The following CRYGN variants were observed in gnomAD, a reference collection of about 807,000 sequenced individuals.
CRYGN encodes the protein gamma-crystallin N.
In CRYGN, 17 loss-of-function variants were observed where a neutral mutation model predicts 19.2. The ratio of observed to expected loss-of-function variants is 0.89; its 90% CI spans 0.61 to 1.33. The LOEUF (loss-of-function observed/expected upper bound fraction) is 1.33. CRYGN is among the 40% of genes most tolerant of loss of function. CRYGN has a pLI of 0.00. For synonymous variants in CRYGN, 84 were observed against 85.8 expected (o/e 0.98, Z 0.12); for missense variants, 239 against 239.6 (o/e 1.00, Z 0.02).
At chr7:151,438,471 G>T (rs1420583652) in intron 1 of CRYGN, among the ~76,000 whole-genome samples, 1 of 152,216 alleles carries the variant, frequency 6.6e-6, no homozygotes, top group African/African-American at 2.4e-5. Context: ...CCACCCTTAG[G>T]AGCTCACAGT....
chr7:151,437,841 C>A, intron 2 of CRYGN, 155 bp downstream of exon 2: 1 of 1,504,704 alleles, frequency 6.6e-7, no homozygotes, highest in Non-Finnish European at 8.9e-7. Flanking sequence ...CTACTCACCT[C>A]ATGCCAGCAG....
At position 151,436,429 on chromosome 7, in the gene CRYGN, CA is replaced by C; in HGVS notation, c.271-105del. On this transcript the variant is annotated intron_variant, in intron 2 of 3. Transcript: ENST00000337323. This position sits in a 1 kb window ranked among gnomAD's most constrained non-coding sequence, Gnocchi z 5.1. ...GGAAGGAATTAGGAGGTACCCAAGG[CA>C]CTGGGCACCCCCACCCCACACACTT... 9.7e-7 allele frequency: 1 copy of C among 1,030,062 alleles called. No homozygotes were observed. The highest frequency in any genetic ancestry group is 1.4e-6 in the Non-Finnish European group (1 of 738,706). The allele number at this position is 1,030,062 out of a possible 1,614,324, so 63.8% of individuals were successfully genotyped here.
rs527946413 is a variant in CRYGN at position 151,438,355 on chromosome 7, A to T, written c.22-111T>A. ...ATGGAACCCCTACTCCCAGGCCCCCAAAAGCCCAGACCTGCTGCACACAGT... is the reference window on the plus strand; with the variant it reads ...ATGGAACCCCTACTCCCAGGCCCCCTAAAGCCCAGACCTGCTGCACACAGT... On this transcript the variant is annotated intron_variant, in intron 1 of 3. Transcript: ENST00000337323. The T allele has an allele frequency of 1.1e-4, 120 of 1,129,766 alleles. No individual in the cohort carries two copies. In the African/African-American group the frequency reaches 1.8e-3, roughly 17 times the overall value. 70.0% of individuals were successfully genotyped at this position (1,129,766 alleles called of 1,614,324 possible). A position where few individuals can be genotyped will look rare whatever the true frequency, so the allele number is the denominator to read the frequency against.
chr7:151,439,199 G>A (rs1801700220), intron 1 of CRYGN: 1 of 152,256 alleles, frequency 6.6e-6, no homozygotes, highest in Non-Finnish European at 1.5e-5. Context: ...CCGGAAAGGA[G>A]GCAGACACCT....
In CRYGN at chr7:151,429,052, G is replaced by A. The variant is rs1324417293; in HGVS notation, c.*996C>T. The A allele has an allele frequency of 6.5e-6, 1 of 152,686 alleles. No homozygotes were observed. Among genetic ancestry groups the A allele is most frequent in the Non-Finnish European group, 1.5e-5 (1 of 68,078 alleles). 9.5% of individuals were successfully genotyped at this position (152,686 alleles called of 1,614,324 possible). ...CTGGAACTCATGGGAAGGGCTGCTAGGCCTGGTTTTTCCCGTGACTCCCAA... is the reference window on the plus strand; with the variant it reads ...CTGGAACTCATGGGAAGGGCTGCTAAGCCTGGTTTTTCCCGTGACTCCCAA... On this transcript the variant is annotated 3_prime_UTR_variant, in exon 4 of 4. Coordinates refer to ENST00000337323, the MANE Select transcript of CRYGN (RefSeq NM_144727.3).
In CRYGN at chr7:151,438,094, G is replaced by A. The variant is rs149663298; in HGVS notation, c.172C>T (p.Arg58Trp). ...AWVCFNHPDF[R>W]GQQFILEHGD... ...TGCTCCAAGATGAACTGCTGGCCCC[G>A]GAAGTCGGGGTGATTGAAGCAGACC... Residue 58 changes from arginine (R) to tryptophan (W), a missense_variant, in exon 2 of 4, where the codon CGG (arginine) becomes TGG (tryptophan). Physicochemically the swap from Arg to Trp is moderately radical, Grantham distance 101. Transcript: ENST00000337323. 78 of 1,614,106 alleles carry A rather than the reference G, an allele frequency of 4.8e-5. No homozygotes were observed. Among genetic ancestry groups the A allele is most frequent in the African/African-American group, 1.6e-4 (12 of 75,052 alleles).
chr7:151,440,388 C>T (rs1387796231), upstream of CRYGN: 1 of 170,018 alleles, frequency 5.9e-6, no homozygotes, highest in Non-Finnish European at 1.2e-5. Context: ...TGTTTGTCTC[C>T]ACGAGGATGC....
chr7:151,432,612 C>T lies in CRYGN; in HGVS notation c.417-2432G>A, dbSNP rs150113332. Among the ~76,000 whole-genome samples the T allele has an allele frequency of 3.8e-3, 586 of 152,242 alleles. 4 individuals carry two copies. Among genetic ancestry groups the T allele is most frequent in the African/African-American group, 0.013 (545 of 41,530 alleles). ...TGTAGTCAGGAGTTTGAGAGCAGCC[C>T]GGCCAACGTGGTGAAACCCCGTCTC... On this transcript the variant is annotated intron_variant, in intron 3 of 3. Coordinates refer to ENST00000337323, the MANE Select transcript of CRYGN (RefSeq NM_144727.3).
At position 151,436,204 on chromosome 7, in the gene CRYGN, G is replaced by A. The variant is rs1447816645; in HGVS notation, c.392C>T (p.Thr131Ile). ...SRGWVKNCVNTIKVYGDGAAW... is the reference protein window; with the variant it reads ...SRGWVKNCVNIIKVYGDGAAW... Reference sequence around the variant, plus strand: ...CGCTCCGTCCCCGTACACCTTGATGGTGTTCACACAGTTCTTGACCCAGCC... The same window carrying A: ...CGCTCCGTCCCCGTACACCTTGATGATGTTCACACAGTTCTTGACCCAGCC... Residue 131 changes from threonine to isoleucine, a missense_variant, in exon 3 of 4, where the codon ACC (threonine) becomes ATC (isoleucine). Physicochemically the swap from Thr to Ile is moderately conservative, Grantham distance 89. Coordinates refer to ENST00000337323, the MANE Select transcript of CRYGN (RefSeq NM_144727.3). The surrounding 1 kb of genome is among the most constrained non-coding windows in gnomAD (Gnocchi z 5.1). 2 of 1,570,934 alleles carry A rather than the reference G, an allele frequency of 1.3e-6. No individual in the cohort carries two copies. Among genetic ancestry groups the A allele is most frequent in the African/African-American group, 2.7e-5 (2 of 73,280 alleles).
rs1029050604 is a variant in CRYGN, at chr7:151,436,876, T to C, written c.271-551A>G. ...GCCTTGACATCATTGTCCCCTAGGCTCAGCACATCTCCCTATATGATTCCC... is the reference window on the plus strand; with the variant it reads ...GCCTTGACATCATTGTCCCCTAGGCCCAGCACATCTCCCTATATGATTCCC... On this transcript the variant is annotated intron_variant, in intron 2 of 3. Transcript: ENST00000337323. The surrounding 1 kb of genome is among the most constrained non-coding windows in gnomAD (Gnocchi z 5.1). 3 of 152,164 alleles carry C rather than the reference T, an allele frequency of 2.0e-5. No individual in the cohort carries two copies. Among genetic ancestry groups the C allele is most frequent in the African/African-American group, 4.8e-5 (2 of 41,440 alleles). The allele number at this position is 152,164 out of a possible 1,614,324, so 9.4% of individuals were successfully genotyped here. A position where few individuals can be genotyped will look rare whatever the true frequency, so the allele number is the denominator to read the frequency against.
In CRYGN at chr7:151,432,072, C is replaced by T. The variant is rs146741473; in HGVS notation, c.417-1892G>A. ...TTTGAGGACTTTTATCGCCCAAGGTCCCGAGGTCTGGGTGGGACCGCAAGG... is the reference window on the plus strand; with the variant it reads ...TTTGAGGACTTTTATCGCCCAAGGTTCCGAGGTCTGGGTGGGACCGCAAGG... On this transcript the variant is annotated intron_variant, in intron 3 of 3. Transcript: ENST00000337323. 6.2e-3 allele frequency: 3,969 copies of T among 643,236 alleles called. 139 individuals carry two copies. In the African/African-American group the frequency reaches 0.068, roughly 11 times the overall value. 39.8% of individuals were successfully genotyped at this position (643,236 alleles called of 1,614,324 possible). A position where few individuals can be genotyped will look rare whatever the true frequency, so the allele number is the denominator to read the frequency against.
At position 151,431,471 on chromosome 7, in the gene CRYGN, G is replaced by A. The variant is rs184645466; in HGVS notation, c.417-1291C>T. ...GAATGGAGGAATTCTACAGGCGAGC[G>A]CTTGGTGCTGCACCAGCTGAAGACG... On this transcript the variant is annotated intron_variant, in intron 3 of 3. Transcript: ENST00000337323. The surrounding 1 kb of genome is among the most constrained non-coding windows in gnomAD (Gnocchi z 4.8). Among the ~76,000 whole-genome samples, 10 of 152,164 alleles carry A rather than the reference G, an allele frequency of 6.6e-5. No individual in the cohort carries two copies. Among genetic ancestry groups the A allele is most frequent in the Non-Finnish European group, 1.5e-4 (10 of 68,016 alleles).
Position 151,433,598 on chromosome 7 carries a change from C to A in CRYGN, c.416+2582G>T, listed in dbSNP as rs1801524443. 6.5e-6 allele frequency: 1 copy of A among 154,900 alleles called. No homozygotes were observed. Among genetic ancestry groups the A allele is most frequent in the African/African-American group, 2.4e-5 (1 of 41,518 alleles). The allele number at this position is 154,900 out of a possible 1,614,324, so 9.6% of individuals were successfully genotyped here. Reference sequence around the variant, plus strand: ...TCCAGCCTGGACCCCACCCTCATGGCCCCCGTATCCATGCCCCTCCACACC... The same window carrying A: ...TCCAGCCTGGACCCCACCCTCATGGACCCCGTATCCATGCCCCTCCACACC... On this transcript the variant is annotated intron_variant, in intron 3 of 3. Coordinates refer to ENST00000337323, the MANE Select transcript of CRYGN (RefSeq NM_144727.3). The surrounding 1 kb of genome is among the most constrained non-coding windows in gnomAD (Gnocchi z 5.1).
In CRYGN at chr7:151,431,064, C is replaced by A. The variant is rs1801452268; in HGVS notation, c.417-884G>T. Among the ~76,000 whole-genome samples, 1 of 152,190 alleles carries A rather than the reference C, an allele frequency of 6.6e-6. No individual in the cohort carries two copies. Among genetic ancestry groups the A allele is most frequent in the Non-Finnish European group, 1.5e-5 (1 of 68,030 alleles). ...ATCTCGGGTCCAGGGCCCCTGTGTT[C>A]TCCTCAGAAGCCCAGAGCACTCCAT... On this transcript the variant is annotated intron_variant, in intron 3 of 3. Transcript: ENST00000337323. This position sits in a 1 kb window ranked among gnomAD's most constrained non-coding sequence, Gnocchi z 4.8.
rs774976638 is a variant in CRYGN at position 151,430,896 on chromosome 7, A to G, written c.417-716T>C. On this transcript the variant is annotated intron_variant, in intron 3 of 3. Transcript: ENST00000337323. This position sits in a 1 kb window ranked among gnomAD's most constrained non-coding sequence, Gnocchi z 5.2. ...AGGCTGGACCAGGAGTCAGATCCAC[A>G]GCCAGAACTCTGTGGGCACACGGGT... is the stretch of plus-strand genomic sequence containing the variant. Among the ~76,000 whole-genome samples, 3 of 152,296 alleles carry G rather than the reference A, an allele frequency of 2.0e-5. No individual in the cohort carries two copies. Among genetic ancestry groups the G allele is most frequent in the Non-Finnish European group, 2.9e-5 (2 of 68,016 alleles).
rs1274223519 is a variant in CRYGN at position 151,433,110 on chromosome 7, C to T, written c.417-2930G>A. The stretch of plus-strand genomic sequence containing the variant: ...TGGGGAGTCCCAAGCAGGGCCCCTT[C>T]CTGTCCTCCTCCCCTTCTGCACACC... On this transcript the variant is annotated intron_variant, in intron 3 of 3. Transcript: ENST00000337323. This position sits in a 1 kb window ranked among gnomAD's most constrained non-coding sequence, Gnocchi z 5.1. Among the ~76,000 whole-genome samples, 1 of 152,194 alleles carries T rather than the reference C, an allele frequency of 6.6e-6. No homozygotes were observed. The highest frequency in any genetic ancestry group is 1.5e-5 in the Non-Finnish European group (1 of 68,022).
In CRYGN at chr7:151,430,100, G is replaced by A; in HGVS notation, c.497C>T (p.Ala166Val). 3.2e-6 allele frequency: 5 copies of A among 1,544,678 alleles called. No homozygotes were observed. The highest frequency in any genetic ancestry group is 4.5e-6 in the Non-Finnish European group (5 of 1,116,460). ...CTGGGTTGTTGCTGGTTTTGTGGTGGCCTCTTCCGGTCCTTGATCTGATTG... is the reference window on the plus strand; with the variant it reads ...CTGGGTTGTTGCTGGTTTTGTGGTGACCTCTTCCGGTCCTTGATCTGATTG... ...SLQSDQGPEE[A>V]TTKPATTQPP... The change falls in exon 4 of 4, where the codon GCC becomes GTC. Residue 166 changes from alanine (A) to valine (V), a missense_variant. By Grantham distance (64) the Ala-to-Val change is moderately conservative. Transcript: ENST00000337323. This position sits in a 1 kb window ranked among gnomAD's most constrained non-coding sequence, Gnocchi z 5.2.
Position 151,438,046 on chromosome 7 carries a change from G to A in CRYGN, c.220C>T (p.Arg74Cys), listed in dbSNP as rs373827604. The stretch of plus-strand genomic sequence containing the variant: ...ATGTGGTCACTGTGGCTGTTCCAGC[G>A]GAAGAAGTCGGGGTAGTCGCCGTGC... ...LEHGDYPDFF[R>C]WNSHSDHMGS... Residue 74 changes from arginine (R) to cysteine (C), a missense_variant, in exon 2 of 4, where the codon CGC (arginine) becomes TGC (cysteine). Coordinates refer to ENST00000337323, the MANE Select transcript of CRYGN (RefSeq NM_144727.3). 9 of 1,614,006 alleles carry A rather than the reference G, an allele frequency of 5.6e-6. No homozygotes were observed. The highest frequency in any genetic ancestry group is 1.6e-4 in the Middle Eastern group (1 of 6,062).
Position 151,432,735 on chromosome 7 carries a change from C to T in CRYGN, c.417-2555G>A, listed in dbSNP as rs370947686. Among the ~76,000 whole-genome samples the T allele has an allele frequency of 4.0e-4, 61 of 152,272 alleles. 1 individual carries two copies. The East Asian group carries it at 5.0e-3, about 13-fold the overall frequency. ...AAGATAATTGCTTGAACCAGGGAGG[C>T]GGAGGTTGCAGTGAGCCGAGATTGC... On this transcript the variant is annotated intron_variant, in intron 3 of 3. Coordinates refer to ENST00000337323, the MANE Select transcript of CRYGN (RefSeq NM_144727.3).
Sources: allele counts gnomAD v4.1 joint callset (sites outside exome capture counted in the v4.1 genomes callset), GRCh38; gene constraint gnomAD v4.1.1; non-coding constraint Gnocchi (gnomAD v3.1); transcripts MANE v1.5; gene names NCBI Gene and HGNC (gene_info 2026-07-23, HGNC 2026-07-21).